PMM2: variants seen among roughly 807,000 people sequenced by gnomAD.
PMM2 encodes phosphomannomutase 2, also known as mannose-6-phosphate isomerase.
Under a neutral mutation model 33.2 loss-of-function variants are expected in PMM2, and 35 were observed. The observed-to-expected ratio is 1.06, with a 90% CI of 0.81 to 1.40. The LOEUF (loss-of-function observed/expected upper bound fraction) is 1.40. Ranked by LOEUF, PMM2 falls within the 40% of genes most tolerant of loss-of-function variation. The pLI, the probability that PMM2 is intolerant of heterozygous loss-of-function variation, is 0.00. For missense variants in PMM2, 386 were observed against 306.0 expected, an observed-to-expected ratio of 1.26 and a Z score of -1.95; for synonymous variants, 153 against 114.7, an observed-to-expected ratio of 1.33 and a Z score of -2.13.
chr16:8,818,079 A>G (rs910229638), intron 7 of PMM2, among the ~76,000 whole-genome samples: 1 of 151,730 alleles, frequency 6.6e-6, no homozygotes, highest in Non-Finnish European at 1.5e-5. Context: ...AATTTTTTGT[A>G]TTTTTAGTAG....
At chr16:8,826,519 G>A (rs2060769228) in intron 7 of PMM2, among the ~76,000 whole-genome samples, 1 of 152,168 alleles carries the variant, frequency 6.6e-6, no homozygotes, top group Admixed American at 6.5e-5. Context: ...TGACCTTAAA[G>A]CATCCAGCAG....
rs893818161 is a variant in PMM2 at position 8,847,911 on chromosome 16, T to C, written c.*86T>C. 2.0e-6 allele frequency: 2 copies of C among 994,922 alleles called. No individual in the cohort carries two copies. The highest frequency in any genetic ancestry group is 1.6e-5 in the African/African-American group (1 of 63,126). The allele number at this position is 994,922 out of a possible 1,614,324, so 61.6% of individuals were successfully genotyped here. On this transcript the variant is annotated 3_prime_UTR_variant, in exon 8 of 8. Transcript: ENST00000268261. Reference sequence around the variant, plus strand: ...GAGCCGAGGGTCCTCCCACACGTGCTCACCCACCCGCAGCCTAGGCAGGCT... The same window carrying C: ...GAGCCGAGGGTCCTCCCACACGTGCCCACCCACCCGCAGCCTAGGCAGGCT...
intron 2 of PMM2, chr16:8,802,274 C>A (rs1178298263): frequency 6.6e-6 from 3 of 455,036 alleles, no homozygotes; most frequent in Non-Finnish European, 1.3e-5. Context: ...CCCTCACCTC[C>A]CCATCACTGA....
Position 8,833,049 on chromosome 16 carries a change from G to A in PMM2, c.640-14675G>A, listed in dbSNP as rs561306824. The A allele has an allele frequency of 1.7e-4, 55 of 321,614 alleles. No homozygotes were observed. The East Asian group carries it at 6.6e-3, about 39-fold the overall frequency. The allele number at this position is 321,614 out of a possible 1,614,324, so 19.9% of individuals were successfully genotyped here. ...GCCTGGCGGGTAGAGGGTTTCGTGC[G>A]CGTCCGTGTGAAGAGACCACCAAAC... On this transcript the variant is annotated intron_variant, in intron 7 of 7. Coordinates refer to ENST00000268261, the MANE Select transcript of PMM2 (RefSeq NM_000303.3).
intron 1 of PMM2, among the ~76,000 whole-genome samples, chr16:8,800,641 A>C (rs1055675522): frequency 1.3e-5 from 2 of 150,942 alleles, no homozygotes; most frequent in Non-Finnish European, 2.9e-5. Flanking sequence ...GGGTGATTGC[A>C]ATAAAATCAA....
At position 8,848,945 on chromosome 16, in the gene PMM2, C is replaced by G. The variant is rs1220496642; in HGVS notation, c.*1120C>G. ...CTAGAACACGGTGGAAGAGAACTTT[C>G]CTAGGAAACGGTTCATGTGTCACTT... On this transcript the variant is annotated 3_prime_UTR_variant, in exon 8 of 8. Coordinates refer to ENST00000268261, the MANE Select transcript of PMM2 (RefSeq NM_000303.3). 6.6e-6 allele frequency: 1 copy of G among 152,278 alleles called. No individual in the cohort carries two copies. The highest frequency in any genetic ancestry group is 1.5e-5 in the Non-Finnish European group (1 of 68,062). The allele number at this position is 152,278 out of a possible 1,614,324, so 9.4% of individuals were successfully genotyped here.
At chr16:8,802,323 G>A in intron 2 of PMM2, 1 of 455,958 alleles carries the variant, frequency 2.2e-6, no homozygotes, top group Non-Finnish European at 4.4e-6. Flanking sequence ...AAACCAGAGA[G>A]GCTTATTGAC....
chr16:8,800,931 C>T (rs538294371), intron 1 of PMM2, among the ~76,000 whole-genome samples: 2 of 152,356 alleles, frequency 1.3e-5, no homozygotes, highest in Admixed American at 1.3e-4. Flanking sequence ...GATCCACCCG[C>T]CTCGGCCTCC....
chr16:8,848,150 T>C lies in PMM2; in HGVS notation c.*325T>C, dbSNP rs773600452. 1 of 319,648 alleles carries C rather than the reference T, an allele frequency of 3.1e-6. No individual in the cohort carries two copies. Among genetic ancestry groups the C allele is most frequent in the East Asian group, 7.4e-5 (1 of 13,560 alleles). The allele number at this position is 319,648 out of a possible 1,614,324, so 19.8% of individuals were successfully genotyped here. A position where few individuals can be genotyped will look rare whatever the true frequency, so the allele number is the denominator to read the frequency against. On this transcript the variant is annotated 3_prime_UTR_variant, in exon 8 of 8. Coordinates refer to ENST00000268261, the MANE Select transcript of PMM2 (RefSeq NM_000303.3). ...AAATTTCCCCATCATTCTAGGATGA[T>C]ACAGAAAGAAAAACTGTGCCTGGAC...
chr16:8,819,775 C>T (rs1303140315), intron 7 of PMM2, among the ~76,000 whole-genome samples: 1 of 151,934 alleles, frequency 6.6e-6, no homozygotes, highest in Admixed American at 6.6e-5. Context: ...CCAGCACTTC[C>T]TCAGTGTCAG....
intron 7 of PMM2, among the ~76,000 whole-genome samples, chr16:8,818,162 A>AC (rs2060718272): frequency 6.6e-6 from 1 of 152,194 alleles, no homozygotes; most frequent in Non-Finnish European, 1.5e-5. Flanking sequence ...TCGGCCTCCC[A>AC]AAGTGCTGGG....
intron 7 of PMM2, among the ~76,000 whole-genome samples, chr16:8,827,438 C>G (rs2060775462): frequency 6.7e-6 from 1 of 149,390 alleles, no homozygotes; most frequent in Admixed American, 6.7e-5. Context: ...GTCACCCAGG[C>G]TAGATAGAGT....
intron 4 of PMM2, 58 bp from the exon 5 acceptor site, chr16:8,811,021 A>G: frequency 2.2e-6 from 2 of 912,396 alleles, no homozygotes; most frequent in South Asian, 1.4e-5. Context: ...CTGTTTATCT[A>G]TGTTGCCCAA....
chr16:8,847,697 C>G, intron 7 of PMM2, 27 bp from the exon 8 acceptor site: 1 of 1,547,570 alleles, frequency 6.5e-7, no homozygotes, highest in Non-Finnish European at 8.9e-7. Context: ...GAGGGGGAGC[C>G]TTCATCTGTA....
intron 4 of PMM2, chr16:8,809,931 C>T (rs1339615643): frequency 6.6e-6 from 1 of 152,306 alleles, no homozygotes; most frequent in Admixed American, 6.5e-5. Flanking sequence ...CTGTCTCAGT[C>T]TCCCAAGTAG....
In PMM2 at chr16:8,804,761, T is replaced by C. The variant is rs2060637002; in HGVS notation, c.179-6T>C. 2 of 1,607,768 alleles carry C rather than the reference T, an allele frequency of 1.2e-6. No homozygotes were observed. Among genetic ancestry groups the C allele is most frequent in the South Asian group, 1.1e-5 (1 of 90,960 alleles). On this transcript the variant is annotated splice_polypyrimidine_tract_variant and splice_region_variant and intron_variant, in intron 2 of 7. Coordinates refer to ENST00000268261, the MANE Select transcript of PMM2 (RefSeq NM_000303.3). The stretch of plus-strand genomic sequence containing the variant: ...ATTCTAAGTGTTTTTTTGGTTTTGA[T>C]TGTAGTGGTTGAAAAATACGATTAT...
intron 7 of PMM2, among the ~76,000 whole-genome samples, chr16:8,846,155 GC>G (rs1379320553): frequency 2.6e-5 from 4 of 152,154 alleles, no homozygotes; most frequent in African/African-American, 9.7e-5. Context: ...CACTCCCTGG[GC>G]CCAGCGACGT....
intron 2 of PMM2, among the ~76,000 whole-genome samples, chr16:8,802,885 C>T (rs1005379456): frequency 4.0e-5 from 6 of 151,712 alleles, no homozygotes; most frequent in Non-Finnish European, 8.8e-5. Context: ...GTTCTTTTAA[C>T]CCCTGTTGTC....
intron 7 of PMM2, among the ~76,000 whole-genome samples, chr16:8,843,336 G>T (rs992821892): frequency 2.0e-5 from 3 of 152,166 alleles, no homozygotes; most frequent in Non-Finnish European, 4.4e-5. Context: ...CTTCCAAGGC[G>T]ATTGGGCAGC....
Sources: gnomAD v4.1 joint callset for allele counts (sites outside exome capture counted in the v4.1 genomes callset) on GRCh38, gnomAD v4.1.1 for gene constraint, MANE v1.5 for transcripts, NCBI Gene and HGNC (gene_info 2026-07-23, HGNC 2026-07-21) for gene names.